The following PLCXD3 variants were observed in gnomAD, a reference collection of about 807,000 sequenced individuals.
PLCXD3 encodes the protein PI-PLC X domain-containing protein 3.
A neutral mutation model predicts 25.5 loss-of-function variants in PLCXD3; 19 were observed. The observed-to-expected ratio is 0.75, with a 90% confidence interval of 0.52 to 1.09. The LOEUF (loss-of-function observed/expected upper bound fraction) is 1.09, where lower values mean the gene tolerates loss of function less well. Among genes scored for constraint, PLCXD3 ranks in the 50% least tolerant of loss-of-function variants. The pLI, the probability that PLCXD3 is intolerant of heterozygous loss-of-function variation, is 0.00. For missense variants in PLCXD3, 411 were observed against 388.1 expected, an observed-to-expected ratio of 1.06 and a Z score of -0.50; for synonymous variants, 174 against 137.6, an observed-to-expected ratio of 1.26 and a Z score of -1.85.
At chr5:41,405,331 T>G (rs1746319165) in intron 1 of PLCXD3, among the ~76,000 whole-genome samples, 1 of 152,116 alleles carries the variant, frequency 6.6e-6, no homozygotes, top group Non-Finnish European at 1.5e-5. Context: ...GTTTTTATCT[T>G]AGTCTCTTCT....
intron 2 of PLCXD3, among the ~76,000 whole-genome samples, chr5:41,340,868 C>A (rs572762828): frequency 1.6e-4 from 24 of 152,028 alleles, no homozygotes; most frequent in Non-Finnish European, 2.1e-4. Flanking sequence ...AATTGTGTGA[C>A]CTTTTAGCTA....
chr5:41,497,822 C>G (rs1049735617), intron 1 of PLCXD3, among the ~76,000 whole-genome samples: 2 of 151,748 alleles, frequency 1.3e-5, no homozygotes, highest in Non-Finnish European at 3.0e-5. Context: ...TGAAATTATA[C>G]CAAGTATCCT....
At chr5:41,460,444 G>A (rs1284562472) in intron 1 of PLCXD3, among the ~76,000 whole-genome samples, 2 of 151,750 alleles carry the variant, frequency 1.3e-5, no homozygotes, top group East Asian at 3.9e-4. Flanking sequence ...TTTAAAGTCA[G>A]AGAAACTTTA....
chr5:41,346,427 C>G (rs1022028970), intron 2 of PLCXD3, among the ~76,000 whole-genome samples: 1 of 152,198 alleles, frequency 6.6e-6, no homozygotes, highest in Non-Finnish European at 1.5e-5. Flanking sequence ...TGTCCTCTAT[C>G]TACCATTACA....
intron 1 of PLCXD3, among the ~76,000 whole-genome samples, chr5:41,489,262 G>T (rs543204862): frequency 2.0e-5 from 3 of 152,140 alleles, no homozygotes; most frequent in African/African-American, 7.2e-5. Context: ...TTATTTCTGA[G>T]GGCTCTGTTC....
At chr5:41,361,366 T>G in intron 2 of PLCXD3, among the ~76,000 whole-genome samples, 1 of 152,340 alleles carries the variant, frequency 6.6e-6, no homozygotes, top group East Asian at 1.9e-4. Flanking sequence ...CCCGCAGTTT[T>G]TTGGTGTCTC....
intron 1 of PLCXD3, among the ~76,000 whole-genome samples, chr5:41,476,412 T>C (rs1561284597): frequency 2.6e-5 from 4 of 152,374 alleles, no homozygotes; most frequent in Non-Finnish European, 5.9e-5. Flanking sequence ...GAATATCTTC[T>C]TAACCATCTA....
intron 2 of PLCXD3, among the ~76,000 whole-genome samples, chr5:41,361,254 C>T (rs1241243601): frequency 6.6e-6 from 1 of 152,214 alleles, no homozygotes; most frequent in East Asian, 1.9e-4. Context: ...CTCACTCTCA[C>T]TGTGCCCCCA....
At chr5:41,355,095 C>A (rs1744580960) in intron 2 of PLCXD3, among the ~76,000 whole-genome samples, 1 of 152,150 alleles carries the variant, frequency 6.6e-6, no homozygotes, top group Non-Finnish European at 1.5e-5. Context: ...TCCAGTTGTT[C>A]CTCTTTACTC....
At chr5:41,496,026 T>C (rs1423789475) in intron 1 of PLCXD3, among the ~76,000 whole-genome samples, 1 of 151,702 alleles carries the variant, frequency 6.6e-6, no homozygotes, top group Non-Finnish European at 1.5e-5. Flanking sequence ...AAACAGAAAA[T>C]ATTTTAAAAT....
At chr5:41,395,583 G>A (rs1230338954) in intron 1 of PLCXD3, among the ~76,000 whole-genome samples, 9 of 151,922 alleles carry the variant, frequency 5.9e-5, no homozygotes, top group African/African-American at 2.2e-4. Flanking sequence ...AATGAAAAAA[G>A]GAGAGACTAT....
intron 2 of PLCXD3, among the ~76,000 whole-genome samples, chr5:41,367,900 C>G (rs1222356611): frequency 6.6e-6 from 1 of 152,062 alleles, no homozygotes; most frequent in Admixed American, 6.6e-5. Flanking sequence ...ATAGGGAATC[C>G]TTTTCTCATT....
intron 2 of PLCXD3, among the ~76,000 whole-genome samples, chr5:41,378,740 C>T (rs973216308): frequency 1.8e-4 from 28 of 152,112 alleles, no homozygotes; most frequent in African/African-American, 6.5e-4. Flanking sequence ...ACTGTGAATC[C>T]TTTGGGAGAG....
Position 41,382,118 on chromosome 5 carries a change from T to C in PLCXD3, c.520A>G (p.Ile174Val). ...DIYGNKMCPAIFAQEVSLKYL... is the reference protein window; with the variant it reads ...DIYGNKMCPAVFAQEVSLKYL... ...TTTAAACTAACTTCCTGGGCAAAAA[T>C]CGCTGGGCACATTTTATTTCCATAG... is the stretch of plus-strand genomic sequence containing the variant. Residue 174 changes from isoleucine (I) to valine (V), a missense_variant, in exon 2 of 3, where the codon ATT (isoleucine) becomes GTT (valine). Ile to Val is a conservative substitution (Grantham distance 29). Coordinates refer to ENST00000377801, the MANE Select transcript of PLCXD3 (RefSeq NM_001005473.3). The C allele has an allele frequency of 6.2e-7, 1 of 1,613,734 alleles. No homozygotes were observed.
intron 1 of PLCXD3, among the ~76,000 whole-genome samples, chr5:41,451,514 C>T (rs891146473): frequency 6.6e-6 from 1 of 151,834 alleles, no homozygotes; most frequent in African/African-American, 2.4e-5. Context: ...ACTGTGGTAA[C>T]AAAAGTGTTA....
chr5:41,386,456 G>A (rs1745637640), intron 1 of PLCXD3, among the ~76,000 whole-genome samples: 1 of 152,070 alleles, frequency 6.6e-6, no homozygotes, highest in African/African-American at 2.4e-5. Context: ...TGGTATGGTA[G>A]GAAGATTGCC....
intron 1 of PLCXD3, among the ~76,000 whole-genome samples, chr5:41,411,973 T>G (rs1446518027): frequency 1.4e-5 from 2 of 146,838 alleles, no homozygotes; most frequent in African/African-American, 2.5e-5. Context: ...TATATATATG[T>G]ATCCATATAT....
At chr5:41,340,215 T>C (rs556909938) in intron 2 of PLCXD3, among the ~76,000 whole-genome samples, 1 of 152,270 alleles carries the variant, frequency 6.6e-6, no homozygotes, top group Non-Finnish European at 1.5e-5. Context: ...CACCAGTCTC[T>C]TTTTATCAGA....
At chr5:41,474,282 C>G (rs1282861740) in intron 1 of PLCXD3, among the ~76,000 whole-genome samples, 1 of 152,128 alleles carries the variant, frequency 6.6e-6, no homozygotes, top group East Asian at 1.9e-4. Context: ...TTATTACTAA[C>G]AGGCTTCAGA....
Sources: gnomAD v4.1 joint callset for allele counts (sites outside exome capture counted in the v4.1 genomes callset) on GRCh38, gnomAD v4.1.1 for gene constraint, MANE v1.5 for transcripts, NCBI Gene and HGNC (gene_info 2026-07-23, HGNC 2026-07-21) for gene names.